PPP3R1: variants seen among roughly 807,000 people sequenced by gnomAD.
PPP3R1 encodes calcineurin subunit B type 1.
PPP3R1 carries 5 observed loss-of-function variants against 22.6 expected under a neutral mutation model. The ratio of observed to expected loss-of-function variants is 0.22; its 90% CI spans 0.12 to 0.46. The LOEUF (loss-of-function observed/expected upper bound fraction) is 0.46. Ranked by LOEUF, PPP3R1 falls within the 20% of genes least tolerant of loss-of-function variation. The probability of loss-of-function intolerance (pLI) is 0.99; values close to 1 mark genes in which losing one functional copy is unlikely to be tolerated. For missense variants in PPP3R1, 61 were observed against 203.2 expected, an observed-to-expected ratio of 0.30 and a Z score of 4.25; for synonymous variants, 56 against 65.2, an observed-to-expected ratio of 0.86 and a Z score of 0.68.
intron 1 of PPP3R1, 62 bp from the exon 2 acceptor site, chr2:68,217,193 A>C (rs935749962): frequency 8.3e-7 from 1 of 1,211,360 alleles, no homozygotes; most frequent in African/African-American, 1.5e-5. Flanking sequence ...AAAATATTAA[A>C]CCTAAATATT....
chr2:68,226,611 T>C (rs1223328033), intron 1 of PPP3R1, among the ~76,000 whole-genome samples: 1 of 152,168 alleles, frequency 6.6e-6, no homozygotes, highest in African/African-American at 2.4e-5. Flanking sequence ...TACAGTAATC[T>C]TGACATTTAT....
chr2:68,245,954 C>T (rs1049886211), intron 1 of PPP3R1, among the ~76,000 whole-genome samples: 2 of 152,034 alleles, frequency 1.3e-5, no homozygotes, highest in Non-Finnish European at 2.9e-5. Context: ...TCATAAACTC[C>T]CTTCTACCTC....
chr2:68,191,773 G>A (rs182455808), intron 2 of PPP3R1, among the ~76,000 whole-genome samples: 55 of 152,184 alleles, frequency 3.6e-4, no homozygotes, highest in African/African-American at 1.3e-3. Context: ...AACTACACAA[G>A]CATTTTATCC....
chr2:68,185,226 A>AT (rs1674510108), intron 5 of PPP3R1, among the ~76,000 whole-genome samples: 2 of 150,974 alleles, frequency 1.3e-5, no homozygotes, highest in Non-Finnish European at 3.0e-5. Context: ...TCAAAAAAAA[A>AT]AAAAAAGAAA....
At chr2:68,214,753 T>C (rs989022717) in intron 2 of PPP3R1, among the ~76,000 whole-genome samples, 9 of 152,170 alleles carry the variant, frequency 5.9e-5, no homozygotes, top group African/African-American at 2.2e-4. Context: ...ACAATTACCA[T>C]TTGACCCAGC....
intron 1 of PPP3R1, among the ~76,000 whole-genome samples, chr2:68,249,861 C>CTGTA (rs1448473368): frequency 6.6e-6 from 1 of 152,074 alleles, no homozygotes; most frequent in Non-Finnish European, 1.5e-5. Flanking sequence ...ATATTTCATA[C>CTGTA]TGTAAATGCT....
intron 1 of PPP3R1, among the ~76,000 whole-genome samples, chr2:68,242,087 C>T (rs1056113621): frequency 6.6e-6 from 1 of 152,178 alleles, no homozygotes; most frequent in Non-Finnish European, 1.5e-5. Context: ...CAACCACATA[C>T]AGCTAGTGTC....
At chr2:68,183,756 C>T (rs1235360781) in intron 5 of PPP3R1, among the ~76,000 whole-genome samples, 2 of 151,854 alleles carry the variant, frequency 1.3e-5, no homozygotes, top group Non-Finnish European at 2.9e-5. Flanking sequence ...TTTTTTGGAC[C>T]TGGTTTCATC....
intron 2 of PPP3R1, among the ~76,000 whole-genome samples, chr2:68,194,474 TATA>T: frequency 6.6e-6 from 1 of 152,184 alleles, no homozygotes; most frequent in South Asian, 2.1e-4. Context: ...ACTGCAGCAA[TATA>T]ATATTAATAG....
At chr2:68,207,114 C>CA (rs11414850) in intron 2 of PPP3R1, among the ~76,000 whole-genome samples, 72,132 of 134,568 alleles carry the variant, frequency 0.54, 18,913 homozygotes, top group South Asian at 0.7. Flanking sequence ...AAAAAAAAAG[C>CA]AAAAAAAAAA....
At position 68,211,198 on chromosome 2, in the gene PPP3R1, A is replaced by T. The variant is rs1669475810; in HGVS notation, c.43+5894T>A. 2.6e-5 allele frequency among the ~76,000 whole-genome samples: 4 copies of T among 151,994 alleles called. No individual in the cohort carries two copies. In the South Asian group the frequency reaches 8.3e-4, roughly 32 times the overall value. On this transcript the variant is annotated intron_variant, in intron 2 of 5. Coordinates refer to ENST00000234310, the MANE Select transcript of PPP3R1 (RefSeq NM_000945.4). ...GAGACAGGCGGATCACAAGGTCAGG[A>T]GATTCAGACCATCCTGGCTAACACA...
intron 1 of PPP3R1, among the ~76,000 whole-genome samples, chr2:68,240,416 A>AT (rs911565031): frequency 6.6e-6 from 1 of 152,178 alleles, no homozygotes; most frequent in Non-Finnish European, 1.5e-5. Context: ...TTGTATGAAG[A>AT]TTTTTTCCTT....
intron 1 of PPP3R1, among the ~76,000 whole-genome samples, chr2:68,224,082 T>G (rs1376775364): frequency 6.6e-6 from 1 of 152,122 alleles, no homozygotes. Context: ...TAATAAGAGA[T>G]GTGCAGGGAG....
chr2:68,243,360 T>C (rs1462011480), intron 1 of PPP3R1, among the ~76,000 whole-genome samples: 1 of 152,162 alleles, frequency 6.6e-6, no homozygotes, highest in Non-Finnish European at 1.5e-5. Context: ...GAGGAGATGT[T>C]GACCATAAGT....
intron 2 of PPP3R1, among the ~76,000 whole-genome samples, chr2:68,205,100 T>C (rs1468836377): frequency 6.6e-6 from 1 of 152,066 alleles, no homozygotes; most frequent in African/African-American, 2.4e-5. Context: ...ACACAAAGTT[T>C]GAAAAAAGAG....
intron 2 of PPP3R1, among the ~76,000 whole-genome samples, chr2:68,205,977 C>T (rs72894458): frequency 0.038 from 5,789 of 152,164 alleles, 328 homozygotes; most frequent in African/African-American, 0.13. Flanking sequence ...CGCCACCACA[C>T]TCGGCTAATT....
chr2:68,185,774 C>A (rs7599591), intron 5 of PPP3R1, among the ~76,000 whole-genome samples: 113,195 of 151,898 alleles, frequency 0.75, 43,236 homozygotes, highest in African/African-American at 0.93. Context: ...GTGTCTTAAA[C>A]GTCTCAAACC....
At chr2:68,204,353 G>GATATATATATATTCTGATATAT (rs1491437318) in intron 2 of PPP3R1, among the ~76,000 whole-genome samples, 4,296 of 148,314 alleles carry the variant, frequency 0.029, 219 homozygotes, top group African/African-American at 0.099. Context: ...TATATATTCT[G>GATATATATATATTCTGATATAT]ATATATATAT....
intron 1 of PPP3R1, among the ~76,000 whole-genome samples, chr2:68,235,264 C>G (rs1003275995): frequency 2.6e-5 from 4 of 152,230 alleles, no homozygotes; most frequent in Admixed American, 2.6e-4. Context: ...GTATACAACT[C>G]AATGGTTTTA....
Sources: allele counts gnomAD v4.1 joint callset (sites outside exome capture counted in the v4.1 genomes callset), GRCh38; gene constraint gnomAD v4.1.1; transcripts MANE v1.5; gene names NCBI Gene and HGNC (gene_info 2026-07-23, HGNC 2026-07-21).